The following AFAP1L1 variants were observed in gnomAD, a reference collection of about 807,000 sequenced individuals.
AFAP1L1 encodes the protein actin filament-associated protein 1-like 1.
A neutral mutation model predicts 99.8 loss-of-function variants in AFAP1L1; 77 were observed. The observed-to-expected ratio is 0.77, with a 90% CI of 0.64 to 0.93. AFAP1L1 has a LOEUF of 0.93. Among genes scored for constraint, AFAP1L1 ranks in the 40% least tolerant of loss-of-function variants. The pLI is 0.00. For synonymous variants in AFAP1L1, 373 were observed against 395.3 expected (o/e 0.94, Z 0.67); for missense variants, 893 against 996.8 (o/e 0.90, Z 1.40).
At chr5:149,302,831 C>T (rs1309823905) in intron 5 of AFAP1L1, among the ~76,000 whole-genome samples, 1 of 152,162 alleles carries the variant, frequency 6.6e-6, no homozygotes, top group Non-Finnish European at 1.5e-5. Flanking sequence ...AGGAAGCAGA[C>T]GCACCATGTC....
chr5:149,325,623 C>T (rs1757074391), intron 15 of AFAP1L1, among the ~76,000 whole-genome samples: 1 of 152,236 alleles, frequency 6.6e-6, no homozygotes, highest in South Asian at 2.1e-4. Context: ...CAGCACCCTG[C>T]TCATAACAGG....
chr5:149,321,712 G>T, intron 14 of AFAP1L1, among the ~76,000 whole-genome samples: 1 of 113,576 alleles, frequency 8.8e-6, no homozygotes, highest in Non-Finnish European at 1.7e-5. Flanking sequence ...AACAGAGCGA[G>T]ACTCTGTCTC....
chr5:149,339,046 C>G (rs1219103995), intron 18 of AFAP1L1, among the ~76,000 whole-genome samples: 2 of 152,096 alleles, frequency 1.3e-5, no homozygotes, highest in African/African-American at 4.8e-5. Flanking sequence ...CTGTAAAGGG[C>G]CAGAGAGTAA....
chr5:149,306,333 TG>T lies in AFAP1L1; in HGVS notation c.466del (p.Asp156MetfsTer16). On this transcript the variant is annotated frameshift_variant, in exon 6 of 19. Coordinates refer to ENST00000296721, the MANE Select transcript of AFAP1L1 (RefSeq NM_152406.4). LOFTEE classifies it high-confidence loss of function. Reference sequence around the variant, plus strand: ...GGCTGCAGCCCCTCACACTCGATTGTGGATGGCTACTATGAGGACGCAGACA... The same window carrying T: ...GGCTGCAGCCCCTCACACTCGATTGTGATGGCTACTATGAGGACGCAGACA... ...HNGCSPSHSI[V>X]DGYYEDADSS... 4 of 1,613,568 alleles carry T rather than the reference TG, an allele frequency of 2.5e-6. No homozygotes were observed. Among genetic ancestry groups the T allele is most frequent in the Non-Finnish European group, 3.4e-6 (4 of 1,179,800 alleles).
rs1285701826 is a variant in AFAP1L1, at chr5:149,342,525, G to A, written c.*2495G>A. On this transcript the variant is annotated 3_prime_UTR_variant, in exon 19 of 19. Coordinates refer to ENST00000296721, the MANE Select transcript of AFAP1L1 (RefSeq NM_152406.4). ...TAATAAATAGACGAATGAATGCATGGATGCAAGCAGCAACCTGGTGAACGT... is the reference window on the plus strand; with the variant it reads ...TAATAAATAGACGAATGAATGCATGAATGCAAGCAGCAACCTGGTGAACGT... Among the ~76,000 whole-genome samples, 1 of 152,192 alleles carries A rather than the reference G, an allele frequency of 6.6e-6. No homozygotes were observed. The highest frequency in any genetic ancestry group is 1.5e-5 in the Non-Finnish European group (1 of 68,038).
At chr5:149,292,780 C>T (rs1224783043) in intron 1 of AFAP1L1, among the ~76,000 whole-genome samples, 1 of 152,196 alleles carries the variant, frequency 6.6e-6, no homozygotes, top group Non-Finnish European at 1.5e-5. Flanking sequence ...GACATAGAGA[C>T]AGTTCTGTCC....
Position 149,271,942 on chromosome 5 carries a change from C to G in AFAP1L1, c.-27C>G. ...CGCCGGAGCCCCTGCGCCCTGCGGC[C>G]CGCTCCCCGGGGACCGGGCCGGCGC... On this transcript the variant is annotated 5_prime_UTR_variant, in exon 1 of 19. Coordinates refer to ENST00000296721, the MANE Select transcript of AFAP1L1 (RefSeq NM_152406.4). 8.1e-7 allele frequency: 1 copy of G among 1,228,668 alleles called. No individual in the cohort carries two copies. Among genetic ancestry groups the G allele is most frequent in the East Asian group, 3.2e-5 (1 of 31,386 alleles). 76.1% of individuals were successfully genotyped at this position (1,228,668 alleles called of 1,614,324 possible). A position where few individuals can be genotyped will look rare whatever the true frequency, so the allele number is the denominator to read the frequency against.
In AFAP1L1 at chr5:149,329,772, G is replaced by A; in HGVS notation, c.1917G>A (p.Glu639=). 1 of 1,613,934 alleles carries A rather than the reference G, an allele frequency of 6.2e-7. No homozygotes were observed. Among genetic ancestry groups the A allele is most frequent in the South Asian group, 1.1e-5 (1 of 90,990 alleles). ...LEKEKETIRT[E]LIALRQEKRE... The stretch of plus-strand genomic sequence containing the variant: ...AAGAGAAAGAGACGATTCGGACAGA[G>A]CTGATAGCACTGAGACAGGAGAAGA... Residue 639 remains glutamate, a synonymous_variant, in exon 16 of 19, where the codon GAG becomes GAA. Transcript: ENST00000296721.
At chr5:149,277,760 A>G (rs1755383987) in intron 1 of AFAP1L1, among the ~76,000 whole-genome samples, 1 of 152,070 alleles carries the variant, frequency 6.6e-6, no homozygotes, top group African/African-American at 2.4e-5. Flanking sequence ...ACTTTTTCTG[A>G]CCCTTCAGTG....
Position 149,307,623 on chromosome 5 carries a change from C to A in AFAP1L1, c.747+10C>A. On this transcript the variant is annotated intron_variant, in intron 7 of 18. Coordinates refer to ENST00000296721, the MANE Select transcript of AFAP1L1 (RefSeq NM_152406.4). Reference sequence around the variant, plus strand: ...GGAGGACCAGCTCCTGGTGAGTGGTCAGCAGCAGCCATGTGCCTCGGCCTC... The same window carrying A: ...GGAGGACCAGCTCCTGGTGAGTGGTAAGCAGCAGCCATGTGCCTCGGCCTC... 1 of 1,611,352 alleles carries A rather than the reference C, an allele frequency of 6.2e-7. No homozygotes were observed. Among genetic ancestry groups the A allele is most frequent in the South Asian group, 1.1e-5 (1 of 90,882 alleles).
chr5:149,316,133 G>C lies in AFAP1L1; in HGVS notation c.1115-18G>C, dbSNP rs1425979058. On this transcript the variant is annotated intron_variant, in intron 10 of 18. Transcript: ENST00000296721. ...GACTCAGGGCTCCCTCCACTCCCCT[G>C]ACCCATTTCCCCAACAGGCAAAGGG... 7.4e-6 allele frequency: 12 copies of C among 1,611,142 alleles called. No homozygotes were observed. The highest frequency in any genetic ancestry group is 9.3e-6 in the Non-Finnish European group (11 of 1,177,830).
intron 1 of AFAP1L1, among the ~76,000 whole-genome samples, chr5:149,290,382 C>T (rs552787552): frequency 2.2e-4 from 33 of 152,302 alleles, no homozygotes; most frequent in African/African-American, 5.8e-4. Context: ...TCACATGTGT[C>T]GGGGCCTGTT....
At chr5:149,280,175 A>G (rs1192498002) in intron 1 of AFAP1L1, among the ~76,000 whole-genome samples, 1 of 152,226 alleles carries the variant, frequency 6.6e-6, no homozygotes, top group Non-Finnish European at 1.5e-5. Context: ...AGGGACAGAA[A>G]TGTAGACTTC....
chr5:149,306,034 G>C (rs1756399858), intron 5 of AFAP1L1, among the ~76,000 whole-genome samples: 1 of 152,202 alleles, frequency 6.6e-6, no homozygotes, highest in Non-Finnish European at 1.5e-5. Context: ...AAGTCCTCTG[G>C]TAGAAGACAG....
intron 1 of AFAP1L1, among the ~76,000 whole-genome samples, chr5:149,295,216 C>G (rs1755980163): frequency 6.6e-6 from 1 of 152,196 alleles, no homozygotes; most frequent in African/African-American, 2.4e-5. Flanking sequence ...CTTTCTTCTC[C>G]TTTGGTCTGT....
At chr5:149,280,100 C>T (rs936972515) in intron 1 of AFAP1L1, among the ~76,000 whole-genome samples, 1 of 152,170 alleles carries the variant, frequency 6.6e-6, no homozygotes, top group African/African-American at 2.4e-5. Context: ...ACATAATTCA[C>T]GGAGGAGGAG....
chr5:149,307,818 T>TCTCTCTCTCTCTC (rs1756473058), intron 7 of AFAP1L1, among the ~76,000 whole-genome samples: 136 of 100,566 alleles, frequency 1.4e-3, no homozygotes, highest in Middle Eastern at 7.0e-3. Flanking sequence ...GTGCCTCTCT[T>TCTCTCTCTCTCTC]TCTCTCTCTC....
chr5:149,315,254 T>C (rs1311642177), intron 9 of AFAP1L1, among the ~76,000 whole-genome samples: 1 of 152,126 alleles, frequency 6.6e-6, no homozygotes, highest in African/African-American at 2.4e-5. Context: ...CATCCTCTCC[T>C]CCGAGTTAGG....
At chr5:149,307,319 C>A in intron 6 of AFAP1L1, 83 bp from the exon 7 acceptor site, 2 of 1,431,454 alleles carry the variant, frequency 1.4e-6, no homozygotes, top group Admixed American at 3.4e-5. Flanking sequence ...CCTCAGTCCC[C>A]AGTGCAGGGA....
Sources: allele counts gnomAD v4.1 joint callset (sites outside exome capture counted in the v4.1 genomes callset), GRCh38; gene constraint gnomAD v4.1.1; transcripts MANE v1.5; gene names NCBI Gene and HGNC (gene_info 2026-07-23, HGNC 2026-07-21).